The following PRCD variants were observed in gnomAD, a reference collection of about 807,000 sequenced individuals.
The protein encoded by PRCD is photoreceptor disc component, also known as photoreceptor disk component PRCD.
Under a neutral mutation model 10.1 loss-of-function variants are expected in PRCD, and 12 were observed. The ratio of observed to expected loss-of-function variants is 1.18; its 90% CI spans 0.76 to 1.92. The LOEUF (loss-of-function observed/expected upper bound fraction) is 1.92, where lower values mean the gene tolerates loss of function less well. Among genes scored for constraint, PRCD ranks in the 40% most tolerant of loss-of-function variants. The pLI, the probability that PRCD is intolerant of heterozygous loss-of-function variation, is 0.00. For synonymous variants in PRCD, 31 were observed against 26.2 expected (o/e 1.18, Z -0.56); for missense variants, 61 against 72.2 (o/e 0.84, Z 0.56).
Position 76,540,252 on chromosome 17 carries a change from G to GT in PRCD, c.74+37_74+38insT, listed in dbSNP as rs1555624422. ...ACCGGGCTATGGCTGGCGGTTGGTC[G>GT]GGGGGGGGGGGCATGGGGCTGGGCT... On this transcript the variant is annotated intron_variant, in intron 1 of 4. Transcript: ENST00000592014. The surrounding 1 kb of genome is among the most constrained non-coding windows in gnomAD (Gnocchi z 5.0). 2.9e-5 allele frequency: 27 copies of GT among 925,428 alleles called. 1 individual carries two copies. In the South Asian group the frequency reaches 3.8e-4, roughly 13 times the overall value. The allele number at this position is 925,428 out of a possible 1,614,324, so 57.3% of individuals were successfully genotyped here.
rs1318562118 is a variant in PRCD at position 76,544,183 on chromosome 17, T to C, written c.*533T>C. ...GCTCCTGATGTCTCACAGCTATTAG[T>C]CTTCAAAAACCCCCCGTGCCTCTGT... is the stretch of plus-strand genomic sequence containing the variant. On this transcript the variant is annotated 3_prime_UTR_variant, in exon 5 of 5. Transcript: ENST00000592014. 1 of 454,312 alleles carries C rather than the reference T, an allele frequency of 2.2e-6. No individual in the cohort carries two copies. Among genetic ancestry groups the C allele is most frequent in the African/African-American group, 2.0e-5 (1 of 49,942 alleles). 28.1% of individuals were successfully genotyped at this position (454,312 alleles called of 1,614,324 possible). A position where few individuals can be genotyped will look rare whatever the true frequency, so the allele number is the denominator to read the frequency against.
downstream of PRCD, chr17:76,545,796 G>A (rs1209377833): frequency 4.8e-6 from 1 of 210,182 alleles, no homozygotes; most frequent in Non-Finnish European, 9.7e-6. Flanking sequence ...GCACAATCCG[G>A]TTTGAACTGT....
In PRCD at chr17:76,531,926, C is replaced by T; in HGVS notation, n.45+4093C>T. 1 of 472,286 alleles carries T rather than the reference C, an allele frequency of 2.1e-6. No homozygotes were observed. The highest frequency in any genetic ancestry group is 3.8e-6 in the Non-Finnish European group (1 of 261,332). 29.3% of individuals were successfully genotyped at this position (472,286 alleles called of 1,614,324 possible). A position where few individuals can be genotyped will look rare whatever the true frequency, so the allele number is the denominator to read the frequency against. ...CTGCCAGGCTTGCTCAGGCTGGCGG[C>T]TTCATCTCCTAGGCCTCTGTCTTCC... On this transcript the variant is annotated intron_variant and non_coding_transcript_variant, in intron 1 of 4. Coordinates refer to the PRCD transcript ENST00000397633. This position sits in a 1 kb window ranked among gnomAD's most constrained non-coding sequence, Gnocchi z 7.4.
rs1303784848 is a variant in PRCD, at chr17:76,533,345, G to A, written n.45+5512G>A. Among the ~76,000 whole-genome samples the A allele has an allele frequency of 1.3e-5, 2 of 152,214 alleles. No individual in the cohort carries two copies. The highest frequency in any genetic ancestry group is 2.9e-5 in the Non-Finnish European group (2 of 68,030). On this transcript the variant is annotated intron_variant and non_coding_transcript_variant, in intron 1 of 4. Transcript: ENST00000397633. The surrounding 1 kb of genome is among the most constrained non-coding windows in gnomAD (Gnocchi z 4.5). ...AAAATACATTGAATTTTCTGGAGAA[G>A]CACTGTAATGAGGGACAAATGTGAA...
At chr17:76,552,148 C>T (rs952782797) in intron 1 of PRCD, 7 of 152,072 alleles carry the variant, frequency 4.6e-5, no homozygotes, top group African/African-American at 1.7e-4. Context: ...AACAGAACAC[C>T]CAACTTAAAA....
chr17:76,547,873 TCA>T (rs1344382183), downstream of PRCD, among the ~76,000 whole-genome samples: 2 of 142,944 alleles, frequency 1.4e-5, no homozygotes, highest in Non-Finnish European at 3.1e-5. Context: ...ATATACATAT[TCA>T]CACACATACA....
In PRCD at chr17:76,531,765, G is replaced by A. The variant is rs1217805030; in HGVS notation, n.45+3932G>A. On this transcript the variant is annotated intron_variant and non_coding_transcript_variant, in intron 1 of 4. Transcript: ENST00000397633. This position sits in a 1 kb window ranked among gnomAD's most constrained non-coding sequence, Gnocchi z 7.4. ...CCCACCCTGAAGCTTCCAGGATAGT[G>A]GGGGCTGAAGAAGTGGACCGCAGTG... The A allele has an allele frequency of 1.4e-5, 17 of 1,218,962 alleles. No individual in the cohort carries two copies. In the African/African-American group the frequency reaches 2.6e-4, roughly 18 times the overall value. 75.5% of individuals were successfully genotyped at this position (1,218,962 alleles called of 1,614,324 possible).
At chr17:76,547,725 A>G (rs1249235532), downstream of PRCD, among the ~76,000 whole-genome samples, 1 of 150,578 alleles carries the variant, frequency 6.6e-6, no homozygotes, top group Admixed American at 6.6e-5. Context: ...AGACACATAC[A>G]TTCACACACA....
At chr17:76,551,189 A>T (rs923418936) in intron 1 of PRCD, 8 of 152,302 alleles carry the variant, frequency 5.3e-5, no homozygotes, top group Admixed American at 3.9e-4. Flanking sequence ...CAGAGAAGAG[A>T]ATGCAGTGAA....
rs763101674 is a variant in PRCD at position 76,540,264 on chromosome 17, C to T, written c.74+49C>T. 3 of 566,106 alleles carry T rather than the reference C, an allele frequency of 5.3e-6. No individual in the cohort carries two copies. The highest frequency in any genetic ancestry group is 4.6e-5 in the Admixed American group (1 of 21,574). 35.1% of individuals were successfully genotyped at this position (566,106 alleles called of 1,614,324 possible). A position where few individuals can be genotyped will look rare whatever the true frequency, so the allele number is the denominator to read the frequency against. On this transcript the variant is annotated intron_variant, in intron 1 of 4. Coordinates refer to ENST00000592014, the MANE Select transcript of PRCD (RefSeq NM_001077620.3). The surrounding 1 kb of genome is among the most constrained non-coding windows in gnomAD (Gnocchi z 5.0). ...CTGGCGGTTGGTCGGGGGGGGGGGG[C>T]ATGGGGCTGGGCTGCCACCAAGCTG...
In PRCD at chr17:76,531,049, G is replaced by A; in HGVS notation, n.45+3216G>A. The A allele has an allele frequency of 6.2e-7, 1 of 1,613,558 alleles. No homozygotes were observed. The highest frequency in any genetic ancestry group is 1.1e-5 in the South Asian group (1 of 91,076). On this transcript the variant is annotated intron_variant and non_coding_transcript_variant, in intron 1 of 4. Coordinates refer to the PRCD transcript ENST00000397633. The surrounding 1 kb of genome is among the most constrained non-coding windows in gnomAD (Gnocchi z 7.4). ...GCAGCGGTCACGTGGCTGTAGATGAGGCCACGCAGCTTGGCCCAGGCTCTC... is the reference window on the plus strand; with the variant it reads ...GCAGCGGTCACGTGGCTGTAGATGAAGCCACGCAGCTTGGCCCAGGCTCTC...
chr17:76,531,409 T>TG lies in PRCD; in HGVS notation n.45+3578dup, dbSNP rs754294317. 31 of 1,571,272 alleles carry TG rather than the reference T, an allele frequency of 2.0e-5. No individual in the cohort carries two copies. The African/African-American group carries it at 3.6e-4, about 18-fold the overall frequency. ...CGTCGCAGAGCCTGCGAGCTGCAGA[T>TG]GGCCATGACGCGTGGGCGGTGGGGG... is the stretch of plus-strand genomic sequence containing the variant. On this transcript the variant is annotated intron_variant and non_coding_transcript_variant, in intron 1 of 4. Transcript: ENST00000397633. The surrounding 1 kb of genome is among the most constrained non-coding windows in gnomAD (Gnocchi z 7.4).
At chr17:76,545,944 G>A, downstream of PRCD, 1 of 157,896 alleles carries the variant, frequency 6.3e-6, no homozygotes, top group Non-Finnish European at 1.4e-5. Context: ...GGCAGAGGGT[G>A]GCATTGCTGG....
intron 1 of PRCD, chr17:76,529,532 C>T (rs1172172842): frequency 1.0e-6 from 1 of 985,348 alleles, no homozygotes; most frequent in East Asian, 1.1e-4. Flanking sequence ...AGCCAGCTCT[C>T]TTTCCAGTCT....
In PRCD at chr17:76,540,527, G is replaced by C; in HGVS notation, c.97G>C (p.Ala33Pro). The C allele has an allele frequency of 6.2e-7, 1 of 1,613,684 alleles. No individual in the cohort carries two copies. Among genetic ancestry groups the C allele is most frequent in the South Asian group, 1.1e-5 (1 of 91,080 alleles). Residue 33 changes from alanine (A) to proline (P), a missense_variant, in exon 2 of 5, where the codon GCA (alanine) becomes CCA (proline). Transcript: ENST00000592014. The surrounding 1 kb of genome is among the most constrained non-coding windows in gnomAD (Gnocchi z 5.0). Reference sequence around the variant, plus strand: ...CAGAGAGCCCAGCGACGTGGATGGGGCAGCTAGGGGCAGCAGCTTGGATGC... The same window carrying C: ...CAGAGAGCCCAGCGACGTGGATGGGCCAGCTAGGGGCAGCAGCTTGGATGC... ...VQPEPSDVDG[A>P]ARGSSLDADP... is the part of the protein sequence containing the mutation.
At chr17:76,549,548 G>C (rs1235061677), downstream of PRCD, among the ~76,000 whole-genome samples, 1 of 152,180 alleles carries the variant, frequency 6.6e-6, no homozygotes, top group Non-Finnish European at 1.5e-5. Context: ...CAACCACTTG[G>C]GAAACCAGCA....
chr17:76,531,278 T>G lies in PRCD; in HGVS notation n.45+3445T>G. The G allele has an allele frequency of 8.2e-7, 1 of 1,222,910 alleles. No homozygotes were observed. The highest frequency in any genetic ancestry group is 2.4e-5 in the Admixed American group (1 of 41,312). The allele number at this position is 1,222,910 out of a possible 1,614,324, so 75.8% of individuals were successfully genotyped here. ...TCTGGCAGCTTTGGGAACCCCGTGC[T>G]CTCAGGACAAGGGTTGCCCTGGACC... On this transcript the variant is annotated intron_variant and non_coding_transcript_variant, in intron 1 of 4. Transcript: ENST00000397633. The surrounding 1 kb of genome is among the most constrained non-coding windows in gnomAD (Gnocchi z 7.4).
At chr17:76,538,844 G>C (rs1387650258), upstream of PRCD, among the ~76,000 whole-genome samples, 2 of 152,262 alleles carry the variant, frequency 1.3e-5, no homozygotes, top group Admixed American at 6.5e-5. Context: ...CAGGCTCCCG[G>C]CGACCCCTGT....
At chr17:76,529,990 T>G in intron 1 of PRCD, 1 of 985,298 alleles carries the variant, frequency 1.0e-6, no homozygotes, top group Non-Finnish European at 1.2e-6. Context: ...CGTCCCCAGC[T>G]GCCCTCAGGG....
Sources: gnomAD v4.1 joint callset for allele counts (sites outside exome capture counted in the v4.1 genomes callset) on GRCh38, gnomAD v4.1.1 for gene constraint, Gnocchi (gnomAD v3.1) non-coding constraint, MANE v1.5 for transcripts, NCBI Gene and HGNC (gene_info 2026-07-23, HGNC 2026-07-21) for gene names.